The following PER2 variants were observed in gnomAD, a reference collection of about 807,000 sequenced individuals.
PER2 encodes period circadian protein homolog 2.
A neutral mutation model predicts 121.0 loss-of-function variants in PER2; 66 were observed. That is an observed-to-expected ratio of 0.55 (90% CI 0.45 to 0.67). The LOEUF is 0.67. Ranked by LOEUF, PER2 falls within the 30% of genes least tolerant of loss-of-function variation. PER2 has a pLI of 0.00. For missense variants in PER2, 1,521 were observed against 1,635.0 expected, an observed-to-expected ratio of 0.93 and a Z score of 1.20; for synonymous variants, 684 against 659.9, an observed-to-expected ratio of 1.04 and a Z score of -0.56.
At chr2:238,262,480 T>C (rs1695965682) in intron 10 of PER2, 136 bp from the exon 11 acceptor site, 3 of 781,520 alleles carry the variant, frequency 3.8e-6, no homozygotes, top group Non-Finnish European at 4.2e-6. Flanking sequence ...TCAAAGCCAC[T>C]GCTTTCAACC....
intron 22 of PER2, among the ~76,000 whole-genome samples, chr2:238,246,905 A>C (rs935123242): frequency 9.2e-5 from 14 of 152,216 alleles, no homozygotes; most frequent in South Asian, 4.1e-4. Context: ...AAACTGAGTA[A>C]GGTGCAGGTG....
chr2:238,259,890 G>C lies in PER2; in HGVS notation c.1627+79C>G, dbSNP rs530382050. ...GTAGACTCCCTGCCAGCCAGAGTCAGCATTTAACCCAGGTTCCCTCTTCTC... is the reference window on the plus strand; with the variant it reads ...GTAGACTCCCTGCCAGCCAGAGTCACCATTTAACCCAGGTTCCCTCTTCTC... On this transcript the variant is annotated intron_variant, in intron 14 of 22. Transcript: ENST00000254657. 2.0e-4 allele frequency: 149 copies of C among 729,598 alleles called. No homozygotes were observed. The African/African-American group carries it at 2.3e-3, about 11-fold the overall frequency. 45.2% of individuals were successfully genotyped at this position (729,598 alleles called of 1,614,324 possible).
At chr2:238,260,609 G>A (rs371662029) in intron 13 of PER2, among the ~76,000 whole-genome samples, 1 of 152,152 alleles carries the variant, frequency 6.6e-6, no homozygotes, top group Admixed American at 6.5e-5. Flanking sequence ...TGTTTTGTCT[G>A]TTTTAAATAA....
At chr2:238,288,273 A>G (rs2106335830) in intron 1 of PER2, 76 bp downstream of exon 1, 1 of 152,394 alleles carries the variant, frequency 6.6e-6, no homozygotes, top group South Asian at 2.1e-4. Context: ...GAGGGTTCCC[A>G]AAAGAGAATC....
At chr2:238,280,001 G>C (rs1204898048) in intron 1 of PER2, among the ~76,000 whole-genome samples, 1 of 152,228 alleles carries the variant, frequency 6.6e-6, no homozygotes, top group Non-Finnish European at 1.5e-5. Flanking sequence ...AAGATGCTTC[G>C]TGAGGAAGCT....
chr2:238,295,223 GTTCTTC>G, the PER2 span, among the ~76,000 whole-genome samples: 731 of 152,000 alleles, frequency 4.8e-3, 6 homozygotes, highest in African/African-American at 0.017. Context: ...TGTTGTTGTT[GTTCTTC>G]TTCTTCTTTC....
chr2:238,254,135 C>T (rs1695691600), intron 18 of PER2: 1 of 244,966 alleles, frequency 4.1e-6, no homozygotes. Context: ...TTTATAAGCA[C>T]TGTCACTACT....
chr2:238,268,870 G>A lies in PER2; in HGVS notation c.824+53C>T, dbSNP rs1696195610. 2.3e-6 allele frequency: 3 copies of A among 1,319,888 alleles called. No homozygotes were observed. The highest frequency in any genetic ancestry group is 3.3e-6 in the Non-Finnish European group (3 of 911,528). The allele number at this position is 1,319,888 out of a possible 1,614,324, so 81.8% of individuals were successfully genotyped here. On this transcript the variant is annotated intron_variant, in intron 7 of 22. Coordinates refer to ENST00000254657, the MANE Select transcript of PER2 (RefSeq NM_022817.3). The surrounding 1 kb of genome is among the most constrained non-coding windows in gnomAD (Gnocchi z 4.0). ...CCAGCCTCAAGCGGAGCAGTGCTGGGGTGAAATGTTTATACGGTTTTCTAA... is the reference window on the plus strand; with the variant it reads ...CCAGCCTCAAGCGGAGCAGTGCTGGAGTGAAATGTTTATACGGTTTTCTAA...
chr2:238,292,720 T>C (rs1030867370), upstream of PER2, among the ~76,000 whole-genome samples: 2 of 152,128 alleles, frequency 1.3e-5, no homozygotes, highest in African/African-American at 2.4e-5. Context: ...AGATTTTTGT[T>C]TGTTTTTCTT....
intron 19 of PER2, 53 bp from the exon 20 acceptor site, chr2:238,251,814 C>A: frequency 3.8e-6 from 2 of 522,500 alleles, no homozygotes; most frequent in Non-Finnish European, 7.3e-6. Flanking sequence ...CAGGACACAG[C>A]ATATGCAGCG....
At position 238,263,055 on chromosome 2, in the gene PER2, C is replaced by G. The variant is rs759240742; in HGVS notation, c.1050G>C (p.Ala350=). The G allele has an allele frequency of 6.2e-7, 1 of 1,604,754 alleles. No individual in the cohort carries two copies. Among genetic ancestry groups the G allele is most frequent in the Non-Finnish European group, 8.5e-7 (1 of 1,171,834 alleles). The change falls in exon 10 of 23, where the codon GCG becomes GCC. Residue 350 remains alanine (A), a synonymous_variant. Transcript: ENST00000254657. ...NCLFQDVDER[A]VPLLGYLPQD... is the part of the protein sequence containing the mutation. ...GAGGTAGGTAGCCCAGGAGAGGGAC[C>G]GCCCTGGAAGGCAAGCAGACACACG...
Position 238,273,095 on chromosome 2 carries a change from G to C in PER2, c.545C>G (p.Thr182Ser). Residue 182 changes from threonine to serine, a missense_variant, in exon 5 of 23, where the codon ACC becomes AGC. By Grantham distance (58) the Thr-to-Ser change is moderately conservative. Coordinates refer to ENST00000254657, the MANE Select transcript of PER2 (RefSeq NM_022817.3). ...GGCATTCTTCACAATGTGCTCAGAG[G>C]TAACGCTCTCCATCTCCTCCACGGT... ...SYTVEEMESV[T>S]SEHIVKNADM... The C allele has an allele frequency of 6.2e-7, 1 of 1,614,066 alleles. No homozygotes were observed. Among genetic ancestry groups the C allele is most frequent in the Non-Finnish European group, 8.5e-7 (1 of 1,179,924 alleles).
chr2:238,259,020 T>C (rs1296579897), intron 14 of PER2, among the ~76,000 whole-genome samples: 1 of 152,142 alleles, frequency 6.6e-6, no homozygotes, highest in African/African-American at 2.4e-5. Flanking sequence ...GTTTTCAAGG[T>C]GATCCCTGCT....
In PER2 at chr2:238,271,411, C is replaced by CA; in HGVS notation, c.672dup (p.Ala225CysfsTer59). 1.2e-6 allele frequency: 2 copies of CA among 1,614,118 alleles called. No homozygotes were observed. The highest frequency in any genetic ancestry group is 2.2e-5 in the South Asian group (2 of 91,090). On this transcript the variant is annotated frameshift_variant, in exon 6 of 23. Coordinates refer to ENST00000254657, the MANE Select transcript of PER2 (RefSeq NM_022817.3). LOFTEE classifies it high-confidence loss of function. ...GGCGCCAGGAACTCCACAAACTTGGCATCGCTGAAGGCATCTCTTTTACAG... is the reference window on the plus strand; with the variant it reads ...GGCGCCAGGAACTCCACAAACTTGGCAATCGCTGAAGGCATCTCTTTTACAG...
At position 238,268,318 on chromosome 2, in the gene PER2, T is replaced by C. The variant is rs1424045176; in HGVS notation, c.825-120A>G. The C allele has an allele frequency of 7.6e-6, 8 of 1,049,950 alleles. No individual in the cohort carries two copies. Among genetic ancestry groups the C allele is most frequent in the Non-Finnish European group, 1.0e-5 (7 of 699,622 alleles). The allele number at this position is 1,049,950 out of a possible 1,614,324, so 65.0% of individuals were successfully genotyped here. A position where few individuals can be genotyped will look rare whatever the true frequency, so the allele number is the denominator to read the frequency against. On this transcript the variant is annotated intron_variant, in intron 7 of 22. Coordinates refer to ENST00000254657, the MANE Select transcript of PER2 (RefSeq NM_022817.3). This position sits in a 1 kb window ranked among gnomAD's most constrained non-coding sequence, Gnocchi z 4.0. The stretch of plus-strand genomic sequence containing the variant: ...AGGTGATGTGTACCTCTGCTCTGCC[T>C]GAGGAGCTGGGCCTGCCCCCTGCCC...
chr2:238,278,359 C>A (rs186264084), intron 1 of PER2, among the ~76,000 whole-genome samples: 315 of 152,328 alleles, frequency 2.1e-3, no homozygotes, highest in South Asian at 5.8e-3. Context: ...GCCAACCACA[C>A]GCAGCCAAAA....
At chr2:238,274,097 A>G (rs77670672) in intron 4 of PER2, among the ~76,000 whole-genome samples, 2 of 152,274 alleles carry the variant, frequency 1.3e-5, no homozygotes, top group African/African-American at 2.4e-5. Flanking sequence ...GCTTAAAAAA[A>G]TAACAGGCAC....
chr2:238,257,005 T>C lies in PER2; in HGVS notation c.1982A>G (p.Glu661Gly), dbSNP rs1695782256. ...LTSLALPGKA[E>G]SVASLTSQCS... ...CTGGCTGGTGAGCGACGCCACACTC[T>C]CTGCCTTGCCCGGCAGTGCCAGCGA... The change falls in exon 17 of 23, where the codon GAG becomes GGG. Residue 661 changes from glutamate (E) to glycine (G), a missense_variant. By Grantham distance (98) the Glu-to-Gly change is moderately conservative. Coordinates refer to ENST00000254657, the MANE Select transcript of PER2 (RefSeq NM_022817.3). The C allele has an allele frequency of 6.2e-7, 1 of 1,613,692 alleles. No homozygotes were observed. The highest frequency in any genetic ancestry group is 1.3e-5 in the African/African-American group (1 of 74,960).
Position 238,257,075 on chromosome 2 carries a change from G to T in PER2, c.1912C>A (p.Pro638Thr). Reference sequence around the variant, plus strand: ...CCCGTGCGGCTGTTCACCCTGGAGGGCGGCTCTGCCTCTTCATGAGAGGAA... The same window carrying T: ...CCCGTGCGGCTGTTCACCCTGGAGGTCGGCTCTGCCTCTTCATGAGAGGAA... ...PGPHAGEAEP[P>T]SRVNSRTGVG... Residue 638 changes from proline (P) to threonine (T), a missense_variant, in exon 17 of 23, where the codon CCC (proline) becomes ACC (threonine). Transcript: ENST00000254657. 3 of 1,612,302 alleles carry T rather than the reference G, an allele frequency of 1.9e-6. No individual in the cohort carries two copies. Among genetic ancestry groups the T allele is most frequent in the Non-Finnish European group, 2.5e-6 (3 of 1,179,916 alleles).
Sources: gnomAD v4.1 joint callset for allele counts (sites outside exome capture counted in the v4.1 genomes callset) on GRCh38, gnomAD v4.1.1 for gene constraint, Gnocchi (gnomAD v3.1) non-coding constraint, MANE v1.5 for transcripts, NCBI Gene and HGNC (gene_info 2026-07-23, HGNC 2026-07-21) for gene names.